The following DOCK11 variants were observed in gnomAD, a reference collection of about 807,000 sequenced individuals.
DOCK11 encodes dedicator of cytokinesis 11.
DOCK11 carries 70 observed loss-of-function variants against 169.1 expected under a neutral mutation model. That is an observed-to-expected ratio of 0.41 (90% CI 0.34 to 0.51). DOCK11 has a LOEUF of 0.51. DOCK11 is among the 20% of genes least tolerant of loss of function. DOCK11 has a pLI of 0.10. For synonymous variants in DOCK11, 529 were observed against 541.3 expected (o/e 0.98, Z 0.32); for missense variants, 1,166 against 1,538.8 (o/e 0.76, Z 4.05).
chrX:118,619,497 AAT>A (rs1556312711), intron 31 of DOCK11, among the ~76,000 whole-genome samples: 909 of 90,769 alleles, frequency 0.01, 31 homozygotes, highest in Middle Eastern at 0.034. Flanking sequence ...AAAAAAAAAA[AAT>A]ATATATATAT....
Position 118,550,117 on chromosome X carries a change from T to C in DOCK11, c.558+4001T>C, listed in dbSNP as rs2012441878. Among the ~76,000 whole-genome samples, 3 of 111,942 alleles carry C rather than the reference T, an allele frequency of 2.7e-5. No homozygotes were observed. In the South Asian group the frequency reaches 1.1e-3, roughly 41 times the overall value. On this transcript the variant is annotated intron_variant, in intron 6 of 52. Coordinates refer to ENST00000276202, the MANE Select transcript of DOCK11 (RefSeq NM_144658.4). ...GGTTCAGCTAGAACCTTCTGAGGCA[T>C]TTTGCCAAGATTACTTTTTCCTCTA...
intron 34 of DOCK11, 87 bp from the exon 35 acceptor site, chrX:118,630,292 C>A: frequency 1.9e-6 from 1 of 525,295 alleles, no homozygotes; most frequent in Non-Finnish European, 3.1e-6. Flanking sequence ...TTTTCCCAAA[C>A]AGATCTAATG....
intron 1 of DOCK11, among the ~76,000 whole-genome samples, chrX:118,530,261 T>C (rs1337543714): frequency 8.9e-6 from 1 of 112,941 alleles, no homozygotes; most frequent in African/African-American, 3.2e-5. Context: ...CTCTAATGAG[T>C]AGTTTTCCAT....
At position 118,606,916 on chromosome X, in the gene DOCK11, G is replaced by A. The variant is rs147043942; in HGVS notation, c.2682-1156G>A. ...GCTTCTGATATATGCTAAACTTTGA[G>A]GACACTGCTAGTCTCTTACCCCCAA... On this transcript the variant is annotated intron_variant, in intron 24 of 52. Transcript: ENST00000276202. Among the ~76,000 whole-genome samples, 1,029 of 110,147 alleles carry A rather than the reference G, an allele frequency of 9.3e-3. 5 individuals are homozygous for A. Among genetic ancestry groups the A allele is most frequent in the Admixed American group, 0.015 (159 of 10,262 alleles).
At chrX:118,566,330 T>A in intron 8 of DOCK11, 148 bp downstream of exon 8, 1 of 607,741 alleles carries the variant, frequency 1.6e-6, no homozygotes, top group Non-Finnish European at 2.5e-6. Flanking sequence ...GTTGATAGAC[T>A]TTTTTTAAAC....
intron 14 of DOCK11, among the ~76,000 whole-genome samples, chrX:118,583,806 G>A (rs1333827195): frequency 9.0e-6 from 1 of 111,543 alleles, no homozygotes; most frequent in Non-Finnish European, 1.9e-5. Flanking sequence ...TGTACTTTAA[G>A]TCATCTGTAG....
chrX:118,574,167 G>C, intron 12 of DOCK11, 149 bp downstream of exon 12: 4 of 602,949 alleles, frequency 6.6e-6, no homozygotes, highest in Non-Finnish European at 1.0e-5. Flanking sequence ...ACTGAAGTTT[G>C]AGGGCAAAAA....
Position 118,507,159 on chromosome X carries a change from A to T in DOCK11, c.102+11086A>T, listed in dbSNP as rs115003715. ...GTTTTTGACTTCTGTTGGATTGTGT[A>T]TATGTTTCAAGCTGCTAAGAAATGT... On this transcript the variant is annotated intron_variant, in intron 1 of 52. Coordinates refer to ENST00000276202, the MANE Select transcript of DOCK11 (RefSeq NM_144658.4). Among the ~76,000 whole-genome samples the T allele has an allele frequency of 8.4e-3, 943 of 112,028 alleles. 10 individuals are homozygous for T. The highest frequency in any genetic ancestry group is 0.029 in the African/African-American group (888 of 30,837).
intron 46 of DOCK11, among the ~76,000 whole-genome samples, chrX:118,673,213 A>AAATG (rs1293105667): frequency 8.9e-6 from 1 of 112,290 alleles, no homozygotes; most frequent in East Asian, 2.8e-4. Flanking sequence ...ACATTAAAGG[A>AAATG]AATGATGTTT....
chrX:118,605,954 A>G, intron 24 of DOCK11, among the ~76,000 whole-genome samples: 1 of 111,951 alleles, frequency 8.9e-6, no homozygotes, highest in Admixed American at 9.5e-5. Context: ...GAAGATAAAT[A>G]TATAAGTTCC....
intron 47 of DOCK11, among the ~76,000 whole-genome samples, 200 bp downstream of exon 47, chrX:118,676,249 T>C (rs1163111350): frequency 6.2e-5 from 7 of 112,050 alleles, no homozygotes; most frequent in Non-Finnish European, 1.1e-4. Context: ...TTTTGATTTC[T>C]GTCAGTTTCA....
chrX:118,578,485 G>A (rs776173064), intron 12 of DOCK11, 40 bp from the exon 13 acceptor site: 2 of 1,192,260 alleles, frequency 1.7e-6, no homozygotes, highest in African/African-American at 3.5e-5. Flanking sequence ...ATATGCACAA[G>A]ATTACATAAG....
At chrX:118,544,871 C>CT (rs1407618436) in intron 4 of DOCK11, among the ~76,000 whole-genome samples, 1 of 104,058 alleles carries the variant, frequency 9.6e-6, no homozygotes, top group African/African-American at 3.5e-5. Context: ...GGGTTTCACC[C>CT]TTTTGGCCAG....
chrX:118,577,531 C>T (rs2013485861), intron 12 of DOCK11, among the ~76,000 whole-genome samples: 1 of 112,239 alleles, frequency 8.9e-6, no homozygotes, highest in Admixed American at 9.4e-5. Context: ...TTTTGAACCA[C>T]TTTGTTCACT....
intron 16 of DOCK11, among the ~76,000 whole-genome samples, chrX:118,587,825 A>G (rs757822181): frequency 8.9e-6 from 1 of 112,044 alleles, no homozygotes; most frequent in African/African-American, 3.2e-5. Flanking sequence ...GGGAAAATGA[A>G]ATGGATTTCT....
In DOCK11 at chrX:118,676,896, C is replaced by G. The variant is rs767879019; in HGVS notation, c.5460+159C>G. Among the ~76,000 whole-genome samples, 3 of 111,383 alleles carry G rather than the reference C, an allele frequency of 2.7e-5. No individual in the cohort carries two copies. In the East Asian group the frequency reaches 8.4e-4, roughly 31 times the overall value. On this transcript the variant is annotated intron_variant, in intron 48 of 52. Coordinates refer to ENST00000276202, the MANE Select transcript of DOCK11 (RefSeq NM_144658.4). ...GGGCTTTGGAGTCAGAGATACCAAG[C>G]TTCAAATCTCTACTCTCTGCCACTC...
rs1001464305 is a variant in DOCK11 at position 118,681,572 on chromosome X, A to G, written c.5863-122A>G. 4 of 484,704 alleles carry G rather than the reference A, an allele frequency of 8.3e-6. No individual in the cohort carries two copies. In the South Asian group the frequency reaches 1.6e-4, roughly 19 times the overall value. 39.9% of individuals were successfully genotyped at this position (484,704 alleles called of 1,213,427 possible). Reference sequence around the variant, plus strand: ...TTTGAAATAAACTTGAAATAAGCATATATTTCTCAGATATGGATTTCTTGT... The same window carrying G: ...TTTGAAATAAACTTGAAATAAGCATGTATTTCTCAGATATGGATTTCTTGT... On this transcript the variant is annotated intron_variant, in intron 50 of 52. Coordinates refer to ENST00000276202, the MANE Select transcript of DOCK11 (RefSeq NM_144658.4).
At chrX:118,531,547 A>G (rs1217038023) in intron 1 of DOCK11, among the ~76,000 whole-genome samples, 14 of 33,942 alleles carry the variant, frequency 4.1e-4, no homozygotes, top group Admixed American at 2.2e-3. Context: ...TGAAGTGTGT[A>G]TATATATATA....
rs761436917 is a variant in DOCK11, at chrX:118,672,676, G to C, written c.5199+1531G>C. Among the ~76,000 whole-genome samples, 71 of 112,521 alleles carry C rather than the reference G, an allele frequency of 6.3e-4. 1 individual carries two copies. Among genetic ancestry groups the C allele is most frequent in the Middle Eastern group, 4.7e-3 (1 of 215 alleles). Reference sequence around the variant, plus strand: ...GGTCTCGATCTCCTGACCTTGTGATGCGCCCGCCTTGGCCTCCCAAAGTGC... The same window carrying C: ...GGTCTCGATCTCCTGACCTTGTGATCCGCCCGCCTTGGCCTCCCAAAGTGC... On this transcript the variant is annotated intron_variant, in intron 46 of 52. Transcript: ENST00000276202.
Sources: allele counts gnomAD v4.1 joint callset (sites outside exome capture counted in the v4.1 genomes callset), GRCh38; gene constraint gnomAD v4.1.1; transcripts MANE v1.5; gene names NCBI Gene and HGNC (gene_info 2026-07-23, HGNC 2026-07-21).